TAF2: variants seen among roughly 807,000 people sequenced by gnomAD.
The protein encoded by TAF2 is transcription initiation factor TFIID subunit 2.
A neutral mutation model predicts 138.5 loss-of-function variants in TAF2; 61 were observed. The ratio of observed to expected loss-of-function variants is 0.44; its 90% CI spans 0.36 to 0.54. The LOEUF (loss-of-function observed/expected upper bound fraction) is 0.54, where lower values mean the gene tolerates loss of function less well. Ranked by LOEUF, TAF2 falls within the 20% of genes least tolerant of loss-of-function variation. The probability of loss-of-function intolerance (pLI) is 0.00; values close to 1 mark genes in which losing one functional copy is unlikely to be tolerated. For missense variants in TAF2, 1,090 were observed against 1,427.9 expected (o/e 0.76, Z 3.81); for synonymous variants, 475 against 469.9 (o/e 1.01, Z -0.14).
At chr8:119,737,565 G>A (rs1202658124) in intron 25 of TAF2, among the ~76,000 whole-genome samples, 2 of 148,128 alleles carry the variant, frequency 1.4e-5, no homozygotes, top group Non-Finnish European at 3.0e-5. Flanking sequence ...CTGGAGTACA[G>A]TGGCATGATT....
At position 119,826,785 on chromosome 8, in the gene TAF2, G is replaced by A. The variant is rs187396097; in HGVS notation, c.138+4892C>T. On this transcript the variant is annotated intron_variant, in intron 2 of 25. Coordinates refer to ENST00000378164, the MANE Select transcript of TAF2 (RefSeq NM_003184.4). ...TTTTTGTATTTTTAGTAGAGACGGG[G>A]TTTCACCATGTTGGCCGGTCTGGTC... Among the ~76,000 whole-genome samples the A allele has an allele frequency of 2.8e-4, 43 of 152,220 alleles. 1 individual carries two copies. In the East Asian group the frequency reaches 8.1e-3, roughly 29 times the overall value.
chr8:119,767,431 TAA>T (rs1302596898), intron 18 of TAF2, among the ~76,000 whole-genome samples: 1 of 152,156 alleles, frequency 6.6e-6, no homozygotes, highest in Non-Finnish European at 1.5e-5. Flanking sequence ...GGGGAAAGGA[TAA>T]GTGAGTGAGA....
At chr8:119,755,984 A>G in intron 22 of TAF2, 22 bp downstream of exon 22, 1 of 1,542,244 alleles carries the variant, frequency 6.5e-7, no homozygotes, top group Non-Finnish European at 9.0e-7. Context: ...AATAAAAACA[A>G]TTTAAATCCC....
rs1332828937 is a variant in TAF2, at chr8:119,746,811, T to C, written c.3002A>G (p.Lys1001Arg). The C allele has an allele frequency of 6.8e-6, 11 of 1,614,066 alleles. No individual in the cohort carries two copies. Among genetic ancestry groups the C allele is most frequent in the Non-Finnish European group, 9.3e-6 (11 of 1,180,026 alleles). ...ELGLVLNLKE[K>R]KAVLNPTIIP... ...TATGGTAGGATTCAAGACAGCTTTTTTCTCCTTTAGATTAAGAACCAACCC... is the reference window on the plus strand; with the variant it reads ...TATGGTAGGATTCAAGACAGCTTTTCTCTCCTTTAGATTAAGAACCAACCC... Residue 1001 changes from lysine to arginine, a missense_variant, in exon 23 of 26, where the codon AAA (lysine) becomes AGA (arginine). By Grantham distance (26) the Lys-to-Arg change is conservative. Coordinates refer to ENST00000378164, the MANE Select transcript of TAF2 (RefSeq NM_003184.4).
Position 119,744,383 on chromosome 8 carries a change from G to A in TAF2, c.3119C>T (p.Ser1040Phe), listed in dbSNP as rs1349594094. 2.1e-5 allele frequency: 34 copies of A among 1,613,042 alleles called. No homozygotes were observed. Among genetic ancestry groups the A allele is most frequent in the Non-Finnish European group, 2.8e-5 (33 of 1,179,760 alleles). ...LVGFQNPFSSSQDEEEIDMDT... is the reference protein window; with the variant it reads ...LVGFQNPFSSFQDEEEIDMDT... ...CATATCAATCTCCTCCTCATCTTGA[G>A]AACTGGAAAACTAAAACACACACAC... is the stretch of plus-strand genomic sequence containing the variant. Residue 1040 changes from serine to phenylalanine, a missense_variant, in exon 24 of 26, where the codon TCT becomes TTT. By Grantham distance (155) the Ser-to-Phe change is radical (BLOSUM62 -2). Transcript: ENST00000378164.
intron 6 of TAF2, among the ~76,000 whole-genome samples, chr8:119,798,693 T>A (rs1488983188): frequency 1.3e-5 from 2 of 152,180 alleles, no homozygotes; most frequent in Admixed American, 6.5e-5. Context: ...TTATAGAAGA[T>A]CTTGAAAGCC....
At position 119,732,046 on chromosome 8, in the gene TAF2, T is replaced by C. The variant is rs755785500; in HGVS notation, c.3478A>G (p.Lys1160Glu). The C allele has an allele frequency of 6.2e-7, 1 of 1,613,942 alleles. No homozygotes were observed. The change falls in exon 26 of 26, where the codon AAG becomes GAG. Residue 1160 changes from lysine to glutamate, a missense_variant. By Grantham distance (56) the Lys-to-Glu change is moderately conservative. Transcript: ENST00000378164. ...TTGTGTTTGTGCTTATGTTTATGCT[T>C]CTTCTTCTTTTTCTTGTGCTCATGG... ...HHHEHKKKKKKHKHKHKHKHK... is the reference protein window; with the variant it reads ...HHHEHKKKKKEHKHKHKHKHK...
intron 18 of TAF2, among the ~76,000 whole-genome samples, chr8:119,765,027 G>A (rs1047248877): frequency 2.6e-5 from 4 of 152,108 alleles, no homozygotes; most frequent in African/African-American, 7.2e-5. Flanking sequence ...TAAAATATCT[G>A]GTTGAGAGGA....
At chr8:119,812,398 G>C (rs911428264) in intron 3 of TAF2, among the ~76,000 whole-genome samples, 1 of 151,716 alleles carries the variant, frequency 6.6e-6, no homozygotes, top group Non-Finnish European at 1.5e-5. Flanking sequence ...TTTTACAATA[G>C]GAATGTCTGA....
At chr8:119,827,799 A>G (rs1826197625) in intron 2 of TAF2, among the ~76,000 whole-genome samples, 1 of 149,746 alleles carries the variant, frequency 6.7e-6, no homozygotes, top group South Asian at 2.1e-4. Context: ...GCTGGAGTGC[A>G]GTGGCATGAT....
chr8:119,775,613 G>A (rs111653270), intron 18 of TAF2, among the ~76,000 whole-genome samples: 358 of 152,196 alleles, frequency 2.4e-3, no homozygotes, highest in African/African-American at 8.3e-3. Flanking sequence ...TGAGGCAGGA[G>A]AATCGCTTGA....
intron 19 of TAF2, among the ~76,000 whole-genome samples, chr8:119,762,051 A>G (rs537154886): frequency 2.0e-5 from 3 of 152,150 alleles, no homozygotes; most frequent in Non-Finnish European, 2.9e-5. Context: ...GTGAAAAGTC[A>G]TCTTAAAAAA....
At chr8:119,740,692 A>AAAGAAAAG (rs1554637133) in intron 25 of TAF2, among the ~76,000 whole-genome samples, 6 of 137,602 alleles carry the variant, frequency 4.4e-5, no homozygotes, top group African/African-American at 8.1e-5. Context: ...AAAGAAAAGA[A>AAAGAAAAG]AAGAAGAAGA....
intron 22 of TAF2, among the ~76,000 whole-genome samples, chr8:119,750,969 CAA>C (rs1820311453): frequency 6.6e-6 from 1 of 151,984 alleles, no homozygotes; most frequent in African/African-American, 2.4e-5. Flanking sequence ...GATAAAGAGT[CAA>C]AGATACCATC....
chr8:119,790,979 T>C (rs1204253637), intron 11 of TAF2, among the ~76,000 whole-genome samples: 3 of 135,982 alleles, frequency 2.2e-5, no homozygotes. Flanking sequence ...AAAAATTTTT[T>C]TGAGATGGGG....
intron 11 of TAF2, among the ~76,000 whole-genome samples, chr8:119,791,049 C>T (rs1029034553): frequency 1.3e-5 from 2 of 152,154 alleles, no homozygotes; most frequent in Non-Finnish European, 2.9e-5. Context: ...AATCATCCCA[C>T]CTCAGCCTCC....
In TAF2 at chr8:119,817,764, G is replaced by T. The variant is rs564931374; in HGVS notation, c.299+1582C>A. 3.9e-5 allele frequency among the ~76,000 whole-genome samples: 6 copies of T among 152,306 alleles called. No individual in the cohort carries two copies. The East Asian group carries it at 7.7e-4, about 20-fold the overall frequency. ...TTATCAAATGCAGAGTTCTAGGCTG[G>T]ATAGGGTGGATATTTTGGCCTTCTG... On this transcript the variant is annotated intron_variant, in intron 3 of 25. Coordinates refer to ENST00000378164, the MANE Select transcript of TAF2 (RefSeq NM_003184.4).
intron 23 of TAF2, among the ~76,000 whole-genome samples, chr8:119,746,110 G>A (rs112744776): frequency 1.1e-3 from 171 of 152,180 alleles, no homozygotes; most frequent in Non-Finnish European, 2.2e-3. Flanking sequence ...GGTGGCTCAC[G>A]CCTGTAATCC....
At chr8:119,821,316 C>T (rs1297875189) in intron 2 of TAF2, among the ~76,000 whole-genome samples, 1 of 152,182 alleles carries the variant, frequency 6.6e-6, no homozygotes, top group Admixed American at 6.5e-5. Flanking sequence ...CTTGCTCTCT[C>T]CCCACCACTT....
Sources: gnomAD v4.1 joint callset for allele counts (sites outside exome capture counted in the v4.1 genomes callset) on GRCh38, gnomAD v4.1.1 for gene constraint, MANE v1.5 for transcripts, NCBI Gene and HGNC (gene_info 2026-07-23, HGNC 2026-07-21) for gene names.